The following INPP4B variants were observed in gnomAD, a reference collection of about 807,000 sequenced individuals.
INPP4B encodes the protein inositol polyphosphate-4-phosphatase type II B.
INPP4B carries 55 observed loss-of-function variants against 122.5 expected under a neutral mutation model. The ratio of observed to expected loss-of-function variants is 0.45; its 90% confidence interval spans 0.36 to 0.56. The LOEUF is 0.56. Among genes scored for constraint, INPP4B ranks in the 20% least tolerant of loss-of-function variants. The pLI, the probability that INPP4B is intolerant of heterozygous loss-of-function variation, is 0.00. For synonymous variants in INPP4B, 403 were observed against 388.7 expected (o/e 1.04, Z -0.43); for missense variants, 1,000 against 1,097.7 (o/e 0.91, Z 1.26).
At chr4:142,295,277 C>A (rs1758184641) in intron 9 of INPP4B, among the ~76,000 whole-genome samples, 1 of 152,152 alleles carries the variant, frequency 6.6e-6, no homozygotes, top group African/African-American at 2.4e-5. Flanking sequence ...ACTTCTTGTA[C>A]AAATATTACA....
chr4:142,179,915 C>T (rs1415948517), intron 15 of INPP4B, among the ~76,000 whole-genome samples: 1 of 152,150 alleles, frequency 6.6e-6, no homozygotes, highest in Non-Finnish European at 1.5e-5. Flanking sequence ...CTGGTATTTT[C>T]ATGTTGTCCC....
intron 2 of INPP4B, among the ~76,000 whole-genome samples, chr4:142,587,993 G>A (rs1459073627): frequency 1.3e-5 from 2 of 151,830 alleles, no homozygotes; most frequent in African/African-American, 4.8e-5. Flanking sequence ...ATTTATTTCA[G>A]TTATGCAAGT....
At chr4:142,408,412 G>A (rs1366372613) in intron 5 of INPP4B, among the ~76,000 whole-genome samples, 1 of 151,892 alleles carries the variant, frequency 6.6e-6, no homozygotes, top group Non-Finnish European at 1.5e-5. Context: ...AATTAGCTGG[G>A]CGTGGTGGCA....
At chr4:142,101,635 G>A (rs1350110119) in intron 23 of INPP4B, among the ~76,000 whole-genome samples, 1 of 152,092 alleles carries the variant, frequency 6.6e-6, no homozygotes, top group Non-Finnish European at 1.5e-5. Context: ...AAAACCTAGT[G>A]TTGATTTCTT....
intron 11 of INPP4B, among the ~76,000 whole-genome samples, chr4:142,253,379 G>T (rs1181003994): frequency 2.6e-5 from 4 of 152,236 alleles, no homozygotes; most frequent in Non-Finnish European, 4.4e-5. Flanking sequence ...AACAGCTCCG[G>T]TCTACAGCTC....
At chr4:142,602,568 C>T (rs1056239392) in intron 2 of INPP4B, among the ~76,000 whole-genome samples, 111 of 152,226 alleles carry the variant, frequency 7.3e-4, no homozygotes, top group African/African-American at 2.6e-3. Flanking sequence ...TGAACAGACA[C>T]TTTTCAAAAG....
At chr4:142,718,311 C>A (rs1201398241) in intron 2 of INPP4B, among the ~76,000 whole-genome samples, 1 of 152,164 alleles carries the variant, frequency 6.6e-6, no homozygotes, top group African/African-American at 2.4e-5. Flanking sequence ...TGGAAGTTAG[C>A]TTTTTAAGTG....
At position 142,780,152 on chromosome 4, in the gene INPP4B, T is replaced by C. The variant is rs79656132; in HGVS notation, c.-253-54251A>G. Among the ~76,000 whole-genome samples, 637 of 152,286 alleles carry C rather than the reference T, an allele frequency of 4.2e-3. 4 individuals carry two copies. Among genetic ancestry groups the C allele is most frequent in the African/African-American group, 0.015 (616 of 41,562 alleles). On this transcript the variant is annotated intron_variant, in intron 1 of 25. Coordinates refer to ENST00000262992, the MANE Select transcript of INPP4B (RefSeq NM_001101669.3). ...AAGTTCAGGTTCAATTTAGACACAATTACATCTTTTCTTTAAAGTGAACAT... is the reference window on the plus strand; with the variant it reads ...AAGTTCAGGTTCAATTTAGACACAACTACATCTTTTCTTTAAAGTGAACAT...
intron 17 of INPP4B, among the ~76,000 whole-genome samples, chr4:142,147,759 A>G (rs946504015): frequency 3.3e-5 from 5 of 152,212 alleles, no homozygotes; most frequent in Non-Finnish European, 7.3e-5. Context: ...TTTCCCCTAA[A>G]GTCAGATCTT....
At chr4:142,260,174 C>T (rs1457291130) in intron 11 of INPP4B, among the ~76,000 whole-genome samples, 3 of 151,980 alleles carry the variant, frequency 2.0e-5, no homozygotes, top group African/African-American at 7.2e-5. Flanking sequence ...TTAGTAGAGA[C>T]GGGGTTTCAC....
At chr4:142,723,990 C>A (rs1391780347) in intron 2 of INPP4B, among the ~76,000 whole-genome samples, 1 of 152,110 alleles carries the variant, frequency 6.6e-6, no homozygotes, top group African/African-American at 2.4e-5. Flanking sequence ...TTCCAACCTC[C>A]ACAGCAACAT....
chr4:142,728,591 G>C (rs1021023215), intron 1 of INPP4B, among the ~76,000 whole-genome samples: 9 of 152,138 alleles, frequency 5.9e-5, no homozygotes, highest in African/African-American at 2.2e-4. Flanking sequence ...GGACATACAT[G>C]GAGAAGAGAA....
intron 2 of INPP4B, among the ~76,000 whole-genome samples, chr4:142,494,759 G>A (rs1237527428): frequency 6.6e-6 from 1 of 151,684 alleles, no homozygotes; most frequent in African/African-American, 2.4e-5. Context: ...AAATTTTATT[G>A]TTAGTCCCAC....
At chr4:142,177,385 A>G (rs1828818897) in intron 15 of INPP4B, among the ~76,000 whole-genome samples, 1 of 152,162 alleles carries the variant, frequency 6.6e-6, no homozygotes, top group South Asian at 2.1e-4. Flanking sequence ...ATGGGAAGTA[A>G]TAAGTATAAT....
chr4:142,114,537 G>T (rs1475936640), intron 21 of INPP4B, among the ~76,000 whole-genome samples: 1 of 151,884 alleles, frequency 6.6e-6, no homozygotes, highest in Non-Finnish European at 1.5e-5. Flanking sequence ...ATGTTTTCTT[G>T]TACTTATAAA....
At chr4:142,619,984 T>C (rs557293844) in intron 2 of INPP4B, among the ~76,000 whole-genome samples, 1 of 151,910 alleles carries the variant, frequency 6.6e-6, no homozygotes, top group Non-Finnish European at 1.5e-5. Context: ...CCTAACCTCG[T>C]TTTTTAAAGA....
At chr4:142,330,938 C>A (rs940380864) in intron 7 of INPP4B, among the ~76,000 whole-genome samples, 1 of 152,144 alleles carries the variant, frequency 6.6e-6, no homozygotes. Context: ...GAGAAGCAAG[C>A]AGTATTTTCA....
At chr4:142,844,002 A>G (rs1430396323) in intron 1 of INPP4B, among the ~76,000 whole-genome samples, 1 of 152,172 alleles carries the variant, frequency 6.6e-6, no homozygotes, top group Non-Finnish European at 1.5e-5. Context: ...AAAATATAAT[A>G]GCATTATTTT....
At chr4:142,831,945 C>A (rs1015795277) in intron 1 of INPP4B, among the ~76,000 whole-genome samples, 2 of 152,084 alleles carry the variant, frequency 1.3e-5, no homozygotes, top group African/African-American at 2.4e-5. Flanking sequence ...TACAAATAAA[C>A]CTTAGCAGCA....
Sources: allele counts gnomAD v4.1 joint callset (sites outside exome capture counted in the v4.1 genomes callset), GRCh38; gene constraint gnomAD v4.1.1; transcripts MANE v1.5; gene names NCBI Gene and HGNC (gene_info 2026-07-23, HGNC 2026-07-21).